The following CFAP44 variants were observed in gnomAD, a reference collection of about 807,000 sequenced individuals.
The protein encoded by CFAP44 is cilia- and flagella-associated protein 44.
Under a neutral mutation model 216.2 loss-of-function variants are expected in CFAP44, and 134 were observed. The ratio of observed to expected loss-of-function variants is 0.62; its 90% CI spans 0.54 to 0.72. CFAP44 has a LOEUF of 0.72. Among genes scored for constraint, CFAP44 ranks in the 30% least tolerant of loss-of-function variants. The probability of loss-of-function intolerance (pLI) is 0.00; values close to 1 mark genes in which losing one functional copy is unlikely to be tolerated. For missense variants in CFAP44, 2,035 were observed against 2,182.1 expected, an observed-to-expected ratio of 0.93 and a Z score of 1.34; for synonymous variants, 700 against 727.6, an observed-to-expected ratio of 0.96 and a Z score of 0.61.
At chr3:113,414,738 G>A (rs1278882682) in intron 6 of CFAP44, among the ~76,000 whole-genome samples, 2 of 152,126 alleles carry the variant, frequency 1.3e-5, no homozygotes, top group Non-Finnish European at 2.9e-5. Flanking sequence ...TACGTTTTTC[G>A]ATGTGCTGCT....
At chr3:113,335,297 A>C (rs1950272470) in intron 24 of CFAP44, among the ~76,000 whole-genome samples, 1 of 152,246 alleles carries the variant, frequency 6.6e-6, no homozygotes. Flanking sequence ...TGCCGCAGAG[A>C]GGAAATTACC....
At position 113,433,590 on chromosome 3, in the gene CFAP44, C is replaced by G; in HGVS notation, c.75G>C (p.Leu25=). The change falls in exon 2 of 35, where the codon CTG becomes CTC. Residue 25 remains leucine, a synonymous_variant. Transcript: ENST00000393845. ...ATCTTGATTCTGATTTAGAAGACCT[C>G]AGAGACTTCTTCCCATCACTCTTTG... ...VTSKSDGKKS[L]RSSKSESRSP... is the part of the protein sequence containing the mutation. 1 of 1,612,940 alleles carries G rather than the reference C, an allele frequency of 6.2e-7. No individual in the cohort carries two copies. Among genetic ancestry groups the G allele is most frequent in the Non-Finnish European group, 8.5e-7 (1 of 1,179,746 alleles).
chr3:113,305,281 T>A, intron 30 of CFAP44, 129 bp from the exon 31 acceptor site: 1 of 746,416 alleles, frequency 1.3e-6, no homozygotes, highest in South Asian at 1.8e-5. Context: ...TGTGATTAAG[T>A]GCATGATCCC....
chr3:113,404,354 T>C (rs1559937515), intron 8 of CFAP44, among the ~76,000 whole-genome samples: 1 of 152,174 alleles, frequency 6.6e-6, no homozygotes. Flanking sequence ...GTCTACTTTT[T>C]AAATGTAATA....
At chr3:113,391,471 C>T (rs955035724) in intron 15 of CFAP44, among the ~76,000 whole-genome samples, 1 of 152,066 alleles carries the variant, frequency 6.6e-6, no homozygotes, top group Non-Finnish European at 1.5e-5. Context: ...GCACAGGCAA[C>T]CAAAGCGAAA....
At chr3:113,326,795 T>C (rs1331056557) in intron 27 of CFAP44, among the ~76,000 whole-genome samples, 155 bp from the exon 28 acceptor site, 2 of 152,150 alleles carry the variant, frequency 1.3e-5, no homozygotes, top group Non-Finnish European at 2.9e-5. Context: ...GAGCCATCCA[T>C]TTATTGGTTA....
chr3:113,307,768 G>T (rs571729043), intron 29 of CFAP44, among the ~76,000 whole-genome samples: 51 of 152,288 alleles, frequency 3.3e-4, no homozygotes, highest in African/African-American at 1.2e-3. Flanking sequence ...AGGAGATCAA[G>T]ACCATCCTGG....
intron 31 of CFAP44, 38 bp from the exon 32 acceptor site, chr3:113,304,155 A>G: frequency 6.6e-7 from 1 of 1,520,502 alleles, no homozygotes; most frequent in Non-Finnish European, 8.8e-7. Context: ...AATAGACAAA[A>G]ACACAGATTT....
At chr3:113,437,633 C>T (rs978593587) in intron 1 of CFAP44, among the ~76,000 whole-genome samples, 9 of 152,100 alleles carry the variant, frequency 5.9e-5, no homozygotes, top group Admixed American at 2.6e-4. Context: ...GTAGCAATAC[C>T]GGACAATAAA....
At chr3:113,420,286 G>C in intron 4 of CFAP44, 107 bp from the exon 5 acceptor site, 4 of 1,146,454 alleles carry the variant, frequency 3.5e-6, no homozygotes, top group Non-Finnish European at 4.5e-6. Context: ...GAAGATGTGA[G>C]GTTGAAGTAG....
chr3:113,380,739 A>G (rs1268518979), intron 16 of CFAP44, among the ~76,000 whole-genome samples, 160 bp downstream of exon 16: 1 of 151,936 alleles, frequency 6.6e-6, no homozygotes, highest in Non-Finnish European at 1.5e-5. Context: ...TCTATTTACT[A>G]CTGCCTTCTA....
chr3:113,401,489 C>G, intron 10 of CFAP44, 95 bp downstream of exon 10: 5 of 1,434,040 alleles, frequency 3.5e-6, no homozygotes, highest in African/African-American at 1.4e-5. Flanking sequence ...ATAACACTTA[C>G]AGTCAAATGG....
At chr3:113,363,337 G>A (rs1396226136) in intron 20 of CFAP44, 30 bp from the exon 21 acceptor site, 1 of 1,584,896 alleles carries the variant, frequency 6.3e-7, no homozygotes, top group East Asian at 2.3e-5. Flanking sequence ...ACAATAACAG[G>A]TTGTGATACA....
intron 24 of CFAP44, among the ~76,000 whole-genome samples, chr3:113,336,834 T>C (rs7618195): frequency 0.018 from 2,687 of 151,930 alleles, 44 homozygotes; most frequent in Middle Eastern, 0.051. Flanking sequence ...ACTTCAAATA[T>C]AAAAGTATAG....
intron 28 of CFAP44, among the ~76,000 whole-genome samples, chr3:113,317,515 C>G (rs1266425637): frequency 2.0e-5 from 3 of 152,206 alleles, no homozygotes; most frequent in Non-Finnish European, 4.4e-5. Flanking sequence ...CCTTTGCAGC[C>G]CAGCCTGAGT....
At chr3:113,396,462 T>C (rs1342149653) in intron 14 of CFAP44, 56 bp downstream of exon 14, 2 of 1,557,666 alleles carry the variant, frequency 1.3e-6, no homozygotes, top group South Asian at 1.2e-5. Flanking sequence ...GGAGGACTTA[T>C]AAGGCAATTT....
At chr3:113,430,445 A>AAAAAAC (rs1935077703) in intron 2 of CFAP44, among the ~76,000 whole-genome samples, 4 of 147,796 alleles carry the variant, frequency 2.7e-5, no homozygotes, top group Middle Eastern at 3.4e-3. Context: ...AAAAAAAAAA[A>AAAAAAC]CAAAGTAAAT....
chr3:113,296,680 C>T (rs1369696911), intron 33 of CFAP44, 45 bp downstream of exon 33: 1 of 1,525,528 alleles, frequency 6.6e-7, no homozygotes. Flanking sequence ...GATTTCTTGC[C>T]TCCAGCCAGA....
intron 23 of CFAP44, among the ~76,000 whole-genome samples, chr3:113,342,770 T>A (rs989438268): frequency 2.0e-5 from 3 of 151,852 alleles, no homozygotes; most frequent in African/African-American, 4.8e-5. Context: ...GGTAGGCAGA[T>A]TGCCTGAGCT....
Sources: allele counts gnomAD v4.1 joint callset (sites outside exome capture counted in the v4.1 genomes callset), GRCh38; gene constraint gnomAD v4.1.1; transcripts MANE v1.5; gene names NCBI Gene and HGNC (gene_info 2026-07-23, HGNC 2026-07-21).